The following EIF2AK3 variants were observed in gnomAD, a reference collection of about 807,000 sequenced individuals.
The protein encoded by EIF2AK3 is eukaryotic translation initiation factor 2-alpha kinase 3.
Under a neutral mutation model 113.5 loss-of-function variants are expected in EIF2AK3, and 50 were observed. The observed-to-expected ratio is 0.44, with a 90% confidence interval of 0.35 to 0.56. The LOEUF (loss-of-function observed/expected upper bound fraction) is 0.56. Ranked by LOEUF, EIF2AK3 falls within the 20% of genes least tolerant of loss-of-function variation. The pLI is 0.00. For synonymous variants in EIF2AK3, 448 were observed against 495.4 expected (o/e 0.90, Z 1.27); for missense variants, 1,185 against 1,378.0 (o/e 0.86, Z 2.22).
At chr2:88,565,106 G>A (rs528527660) in intron 14 of EIF2AK3, among the ~76,000 whole-genome samples, 2 of 149,682 alleles carry the variant, frequency 1.3e-5, no homozygotes, top group African/African-American at 2.5e-5. Flanking sequence ...GCAAGATGTC[G>A]GCTCACTGCA....
chr2:88,598,959 C>T (rs540708173), intron 2 of EIF2AK3, among the ~76,000 whole-genome samples: 9 of 151,056 alleles, frequency 6.0e-5, no homozygotes, highest in South Asian at 2.1e-4. Flanking sequence ...CAAGAGGACA[C>T]GGGCAAGCAT....
intron 9 of EIF2AK3, among the ~76,000 whole-genome samples, chr2:88,584,573 G>A (rs1231112266): frequency 6.8e-6 from 1 of 147,230 alleles, no homozygotes; most frequent in Non-Finnish European, 1.5e-5. Context: ...GAGGTAGAGA[G>A]AGAAATTAGG....
At chr2:88,564,420 C>T (rs1157869888) in intron 14 of EIF2AK3, among the ~76,000 whole-genome samples, 1 of 152,120 alleles carries the variant, frequency 6.6e-6, no homozygotes, top group Non-Finnish European at 1.5e-5. Flanking sequence ...TTTTTAACTA[C>T]CAAATTTTAA....
At chr2:88,560,879 A>G (rs1673934134) in intron 15 of EIF2AK3, among the ~76,000 whole-genome samples, 1 of 152,112 alleles carries the variant, frequency 6.6e-6, no homozygotes, top group Non-Finnish European at 1.5e-5. Context: ...AAGATCTAAA[A>G]CTGATAAAAT....
chr2:88,627,468 T>C, upstream of EIF2AK3: 2 of 620,800 alleles, frequency 3.2e-6, no homozygotes, highest in Non-Finnish European at 4.8e-6. Flanking sequence ...ACAGCCTATC[T>C]CGGACATCGC....
chr2:88,598,252 G>A (rs1375955846), intron 2 of EIF2AK3, among the ~76,000 whole-genome samples: 1 of 152,098 alleles, frequency 6.6e-6, no homozygotes, highest in African/African-American at 2.4e-5. Flanking sequence ...AGTAAAGACT[G>A]GGTCATACCA....
In EIF2AK3 at chr2:88,593,389, G is replaced by C; in HGVS notation, c.650C>G (p.Ser217Ter). ...AYSGKVRYICSALGCRQWDSD... is the reference protein window; with the variant it reads ...AYSGKVRYIC ...ATCCCATTGGCGACAACCCAGAGCTGAACAGATATACCTCACCTGAAAAGA... is the reference window on the plus strand; with the variant it reads ...ATCCCATTGGCGACAACCCAGAGCTCAACAGATATACCTCACCTGAAAAGA... Residue 217 changes from serine (S) to a stop codon, truncating the protein, a stop_gained, in exon 4 of 17, where the codon TCA becomes TGA. Transcript: ENST00000303236. LOFTEE classifies it high-confidence loss of function. 1.2e-6 allele frequency: 2 copies of C among 1,613,830 alleles called. No individual in the cohort carries two copies. The highest frequency in any genetic ancestry group is 1.7e-6 in the Non-Finnish European group (2 of 1,179,944).
intron 3 of EIF2AK3, chr2:88,593,867 G>A (rs1464248131): frequency 1.6e-5 from 16 of 1,001,994 alleles, no homozygotes; most frequent in African/African-American, 3.5e-5. Context: ...AAAGAAAAAA[G>A]GAAGAGTTAA....
intron 6 of EIF2AK3, among the ~76,000 whole-genome samples, chr2:88,589,118 G>A (rs1458129689): frequency 6.6e-6 from 1 of 152,080 alleles, no homozygotes; most frequent in African/African-American, 2.4e-5. Context: ...ATTTCTCACT[G>A]AATAATAGCA....
At chr2:88,572,026 G>T (rs375534539) in intron 13 of EIF2AK3, among the ~76,000 whole-genome samples, 14 of 152,246 alleles carry the variant, frequency 9.2e-5, no homozygotes, top group African/African-American at 3.4e-4. Context: ...AAGCCATTTA[G>T]CTCATGAAAT....
Position 88,611,016 on chromosome 2 carries a change from A to T in EIF2AK3, c.438+2708T>A, listed in dbSNP as rs372581345. On this transcript the variant is annotated intron_variant, in intron 2 of 16. Transcript: ENST00000303236. ...CAGAGAGATATGATCACACCATTGC[A>T]CTCCAGCCTGATAAAAAGCTCTTTA... Among the ~76,000 whole-genome samples, 40 of 152,260 alleles carry T rather than the reference A, an allele frequency of 2.6e-4. No individual in the cohort carries two copies. The South Asian group carries it at 7.5e-3, about 28-fold the overall frequency.
At chr2:88,600,662 A>C (rs534432561) in intron 2 of EIF2AK3, among the ~76,000 whole-genome samples, 189 of 152,340 alleles carry the variant, frequency 1.2e-3, no homozygotes, top group South Asian at 6.4e-3. Flanking sequence ...TAAGTGGTAC[A>C]ATGAATACCA....
intron 2 of EIF2AK3, among the ~76,000 whole-genome samples, chr2:88,609,064 CTTTT>C (rs960515482): frequency 3.4e-5 from 5 of 146,606 alleles, no homozygotes; most frequent in African/African-American, 1.0e-4. Flanking sequence ...TTTTGTCCAA[CTTTT>C]TTTTTTTCTA....
rs534044481 is a variant in EIF2AK3 at position 88,584,429 on chromosome 2, A to C, written c.1651-887T>G. Among the ~76,000 whole-genome samples, 5 of 150,508 alleles carry C rather than the reference A, an allele frequency of 3.3e-5. No individual in the cohort carries two copies. The South Asian group carries it at 1.1e-3, about 32-fold the overall frequency. On this transcript the variant is annotated intron_variant, in intron 9 of 16. Transcript: ENST00000303236. The stretch of plus-strand genomic sequence containing the variant: ...CTACTCGGGAGGCTGAAGAACAAGA[A>C]TTGCTTGAACCCAGGAGGCGGAGGT...
rs561679101 is a variant in EIF2AK3 at position 88,586,123 on chromosome 2, C to T, written c.1430-62G>A. The T allele has an allele frequency of 6.8e-6, 9 of 1,319,452 alleles. No homozygotes were observed. In the East Asian group the frequency reaches 1.9e-4, roughly 27 times the overall value. 81.7% of individuals were successfully genotyped at this position (1,319,452 alleles called of 1,614,324 possible). On this transcript the variant is annotated intron_variant, in intron 8 of 16. Transcript: ENST00000303236. Reference sequence around the variant, plus strand: ...TAATCAAAAATAGGCCCGTCTTTAACTATTAAAATTTATCCATTTTCCTGT... The same window carrying T: ...TAATCAAAAATAGGCCCGTCTTTAATTATTAAAATTTATCCATTTTCCTGT...
Position 88,579,545 on chromosome 2 carries a change from G to C in EIF2AK3, c.1859C>G (p.Ala620Gly). Residue 620 changes from alanine (A) to glycine (G), a missense_variant, in exon 11 of 17, where the codon GCT becomes GGT. Physicochemically the swap from Ala to Gly is moderately conservative, Grantham distance 60. Transcript: ENST00000303236. ...ATTGGGGAGACGGATCCTCTTGATAGCATAATTGCAGTCATCTACTTTGTT... is the reference window on the plus strand; with the variant it reads ...ATTGGGGAGACGGATCCTCTTGATACCATAATTGCAGTCATCTACTTTGTT... ...AKNKVDDCNY[A>G]IKRIRLPNRE... 6.2e-7 allele frequency: 1 copy of C among 1,613,754 alleles called. No homozygotes were observed. The highest frequency in any genetic ancestry group is 8.5e-7 in the Non-Finnish European group (1 of 1,179,798).
chr2:88,613,622 G>T, intron 2 of EIF2AK3, 102 bp downstream of exon 2: 2 of 1,276,190 alleles, frequency 1.6e-6, no homozygotes, highest in Non-Finnish European at 2.3e-6. Flanking sequence ...GTAAGAGGCA[G>T]ACAGGCCTCA....
chr2:88,593,029 G>C (rs1037821540), intron 4 of EIF2AK3, among the ~76,000 whole-genome samples: 2 of 151,510 alleles, frequency 1.3e-5, no homozygotes, highest in African/African-American at 4.9e-5. Flanking sequence ...GTAATCCCCG[G>C]TACTCGGGAG....
At position 88,627,115 on chromosome 2, in the gene EIF2AK3, T is replaced by G. The variant is rs2103992612; in HGVS notation, c.160A>C (p.Thr54Pro). The G allele has an allele frequency of 6.6e-7, 1 of 1,517,832 alleles. No individual in the cohort carries two copies. The highest frequency in any genetic ancestry group is 2.6e-5 in the East Asian group (1 of 38,288). 94.0% of individuals were successfully genotyped at this position (1,517,832 alleles called of 1,614,324 possible). The change falls in exon 1 of 17, where the codon ACC becomes CCC. Residue 54 changes from threonine (T) to proline (P), a missense_variant. Thr to Pro is a conservative substitution (Grantham distance 38). Around this residue, in one of 3 missense-constraint regions of EIF2AK3, gnomAD observed 189 missense variants for 175.2 expected, o/e 1.08. Transcript: ENST00000303236. ...GCCGCCGGTACTCGCGTCGCTGAGGTGGGAGCAGCGGCCGCCCCGAGGCCG... is the reference window on the plus strand; with the variant it reads ...GCCGCCGGTACTCGCGTCGCTGAGGGGGGAGCAGCGGCCGCCCCGAGGCCG... Reference protein sequence around the residue: ...AFGLGAAAAPTSATRVPAAGA... With the variant: ...AFGLGAAAAPPSATRVPAAGA...
Sources: gnomAD v4.1 joint callset for allele counts (sites outside exome capture counted in the v4.1 genomes callset) on GRCh38, gnomAD v4.1.1 for gene constraint, gnomAD v4.1.1 regional missense constraint, MANE v1.5 for transcripts, NCBI Gene and HGNC (gene_info 2026-07-23, HGNC 2026-07-21) for gene names.